Variants in FAM178B observed in about 807,000 individuals in gnomAD.
FAM178B encodes the protein protein FAM178B.
In FAM178B, 82 loss-of-function variants were observed where a neutral mutation model predicts 91.7. The ratio of observed to expected loss-of-function variants is 0.89; its 90% confidence interval spans 0.75 to 1.07. FAM178B has a LOEUF of 1.07. Among genes scored for constraint, FAM178B ranks in the 50% least tolerant of loss-of-function variants. FAM178B has a pLI of 0.00. For missense variants in FAM178B, 769 were observed against 846.7 expected (o/e 0.91, Z 1.14); for synonymous variants, 368 against 359.4 (o/e 1.02, Z -0.27).
intron 12 of FAM178B, among the ~76,000 whole-genome samples, chr2:96,910,786 C>T (rs56129857): frequency 0.056 from 8,570 of 151,692 alleles, 811 homozygotes; most frequent in African/African-American, 0.2. Context: ...CCTGAGACAT[C>T]TCTCTTCTTA....
Position 96,902,699 on chromosome 2 carries a change from C to G in FAM178B, c.1571G>C (p.Arg524Pro), listed in dbSNP as rs1263047509. The G allele has an allele frequency of 6.5e-7, 1 of 1,550,364 alleles. No homozygotes were observed. Among genetic ancestry groups the G allele is most frequent in the Non-Finnish European group, 8.7e-7 (1 of 1,146,340 alleles). The change falls in exon 13 of 17, where the codon CGA (arginine) becomes CCA (proline). Residue 524 changes from arginine to proline, a missense_variant. Transcript: ENST00000490605. ...AATGACCACAAGGCTGAGCTGGCTT[C>G]GAAGCCGCCTGGGGGAAAAGCGACA... ...PDMTSRSRRL[R>P]SQLSLVVIAR...
chr2:96,950,222 C>T, intron 7 of FAM178B: 4 of 943,580 alleles, frequency 4.2e-6, no homozygotes, highest in Non-Finnish European at 5.1e-6. Context: ...ATTGTGTGTT[C>T]CGTCACACAC....
intron 6 of FAM178B, among the ~76,000 whole-genome samples, chr2:96,952,596 T>A (rs1312965809): frequency 6.6e-6 from 1 of 152,116 alleles, no homozygotes; most frequent in Non-Finnish European, 1.5e-5. Flanking sequence ...TGTTGAAATG[T>A]TTCATATGGT....
rs1391676988 is a variant in FAM178B, at chr2:96,971,998, T to C, written c.467A>G (p.Gln156Arg). 8 of 1,559,954 alleles carry C rather than the reference T, an allele frequency of 5.1e-6. No individual in the cohort carries two copies. Among genetic ancestry groups the C allele is most frequent in the African/African-American group, 1.4e-5 (1 of 73,520 alleles). Residue 156 changes from glutamine to arginine, a missense_variant, in exon 3 of 17, where the codon CAG becomes CGG. By Grantham distance (43) the Gln-to-Arg change is conservative (BLOSUM62 1). Coordinates refer to ENST00000490605, the MANE Select transcript of FAM178B (RefSeq NM_001122646.3). ...CTTCGGGTCCAAGTCCAGGTGTTCC[T>C]GCTCCAACTCCTCGGGCAGCTCACC... ...LAGELPEELEQEHLDLDPKRG... is the reference protein window; with the variant it reads ...LAGELPEELEREHLDLDPKRG...
chr2:96,947,761 G>A (rs1225645847), intron 8 of FAM178B, 57 bp downstream of exon 8: 18 of 1,003,382 alleles, frequency 1.8e-5, no homozygotes, highest in South Asian at 1.0e-4. Flanking sequence ...TGAGAGTCAC[G>A]TATCACAGGC....
rs2082130746 is a variant in FAM178B at position 96,965,386 on chromosome 2, C to T, written c.734+2134G>A. Among the ~76,000 whole-genome samples the T allele has an allele frequency of 3.9e-5, 6 of 152,188 alleles. No individual in the cohort carries two copies. In the South Asian group the frequency reaches 1.2e-3, roughly 32 times the overall value. On this transcript the variant is annotated intron_variant, in intron 5 of 16. Coordinates refer to ENST00000490605, the MANE Select transcript of FAM178B (RefSeq NM_001122646.3). ...TCTCCAAGTAGCCTCCCTGATCTTGCCCCAGGATGCCCCAAATGAACCCTT... is the reference window on the plus strand; with the variant it reads ...TCTCCAAGTAGCCTCCCTGATCTTGTCCCAGGATGCCCCAAATGAACCCTT...
intron 7 of FAM178B, among the ~76,000 whole-genome samples, chr2:96,950,616 G>A (rs552416061): frequency 6.6e-6 from 1 of 152,310 alleles, no homozygotes; most frequent in East Asian, 1.9e-4. Flanking sequence ...TCTGGGTGGG[G>A]ACCAAGGCCA....
At chr2:96,889,869 T>TTGAATTGG (rs1387831382) in intron 14 of FAM178B, among the ~76,000 whole-genome samples, 1 of 151,730 alleles carries the variant, frequency 6.6e-6, no homozygotes, top group Non-Finnish European at 1.5e-5. Flanking sequence ...CCCGTTGAGA[T>TTGAATTGG]GGCTCATGCC....
intron 7 of FAM178B, 43 bp from the exon 8 acceptor site, chr2:96,947,945 G>A (rs1452208541): frequency 1.7e-5 from 18 of 1,074,748 alleles, no homozygotes; most frequent in Non-Finnish European, 2.5e-5. Context: ...TGGTGAGCTG[G>A]GTCATTCCTA....
At chr2:96,958,830 T>C (rs1206759386) in intron 6 of FAM178B, among the ~76,000 whole-genome samples, 1 of 147,774 alleles carries the variant, frequency 6.8e-6, no homozygotes, top group Non-Finnish European at 1.5e-5. Context: ...TGTCTAAAAA[T>C]AGAGTCTTAT....
chr2:96,946,019 C>T (rs535296828), intron 8 of FAM178B, among the ~76,000 whole-genome samples: 37 of 152,280 alleles, frequency 2.4e-4, no homozygotes, highest in Admixed American at 1.0e-3. Context: ...CCCTAGCCCC[C>T]GGTAACCACC....
chr2:96,895,060 C>A, intron 13 of FAM178B: 1 of 1,289,436 alleles, frequency 7.8e-7, no homozygotes, highest in South Asian at 1.2e-5. Context: ...CAGTCCATCA[C>A]CATGAGCAAG....
chr2:96,937,615 T>C (rs1247539158), intron 8 of FAM178B, among the ~76,000 whole-genome samples: 1 of 152,180 alleles, frequency 6.6e-6, no homozygotes, highest in East Asian at 1.9e-4. Flanking sequence ...TCTCAGAGGG[T>C]AGGACACAGA....
intron 8 of FAM178B, among the ~76,000 whole-genome samples, chr2:96,944,340 C>A (rs576851640): frequency 6.6e-6 from 1 of 152,018 alleles, no homozygotes; most frequent in African/African-American, 2.4e-5. Context: ...CAGACATAGC[C>A]GTGATGTTCA....
At position 96,940,575 on chromosome 2, in the gene FAM178B, G is replaced by A. The variant is rs58505762; in HGVS notation, c.1078+7243C>T. Among the ~76,000 whole-genome samples the A allele has an allele frequency of 2.1e-3, 320 of 152,286 alleles. 14 individuals carry two copies. In the East Asian group the frequency reaches 0.056, roughly 27 times the overall value. The stretch of plus-strand genomic sequence containing the variant: ...CCACAGCCCACAAAGAGTACCTACT[G>A]CATAATTCCATTTATATAAAATTCT... On this transcript the variant is annotated intron_variant, in intron 8 of 16. Transcript: ENST00000490605.
At chr2:96,960,488 G>A (rs1468222534) in intron 5 of FAM178B, 48 bp from the exon 6 acceptor site, 8 of 1,497,744 alleles carry the variant, frequency 5.3e-6, no homozygotes, top group Non-Finnish European at 7.2e-6. Flanking sequence ...GATGCACCTC[G>A]GCCTGAGGCA....
chr2:96,965,403 T>C (rs1003298201), intron 5 of FAM178B, among the ~76,000 whole-genome samples: 3 of 152,082 alleles, frequency 2.0e-5, no homozygotes, highest in Non-Finnish European at 2.9e-5. Flanking sequence ...ATGCCCCAAA[T>C]GAACCCTTGA....
At position 96,914,079 on chromosome 2, in the gene FAM178B, C is replaced by T. The variant is rs547398448; in HGVS notation, c.1562+7086G>A. ...TCAGCACCCGTGATATTCTAGTCCA[C>T]GCTCTGTTCTGGGTGCTGAGGATGC... On this transcript the variant is annotated intron_variant, in intron 12 of 16. Coordinates refer to ENST00000490605, the MANE Select transcript of FAM178B (RefSeq NM_001122646.3). 2.9e-4 allele frequency among the ~76,000 whole-genome samples: 44 copies of T among 152,364 alleles called. 2 individuals are homozygous for T. The highest frequency in any genetic ancestry group is 7.9e-4 in the African/African-American group (33 of 41,598).
Position 96,967,422 on chromosome 2 carries a change from C to T in FAM178B, c.734+98G>A, listed in dbSNP as rs2082157371. 4.4e-6 allele frequency: 3 copies of T among 678,766 alleles called. No homozygotes were observed. In the Admixed American group the frequency reaches 7.2e-5, roughly 16 times the overall value. 42.0% of individuals were successfully genotyped at this position (678,766 alleles called of 1,614,324 possible). On this transcript the variant is annotated intron_variant, in intron 5 of 16. Coordinates refer to ENST00000490605, the MANE Select transcript of FAM178B (RefSeq NM_001122646.3). ...TAGAATTCACAAATAGTACACAAAT[C>T]ACTGTACCATGTTGGTCAAAACTCT... is the stretch of plus-strand genomic sequence containing the variant.
Sources: allele counts gnomAD v4.1 joint callset (sites outside exome capture counted in the v4.1 genomes callset), GRCh38; gene constraint gnomAD v4.1.1; transcripts MANE v1.5; gene names NCBI Gene and HGNC (gene_info 2026-07-23, HGNC 2026-07-21).